IL21R: variants seen among roughly 807,000 people sequenced by gnomAD.
IL21R encodes the protein interleukin-21 receptor.
IL21R carries 14 observed loss-of-function variants against 41.3 expected under a neutral mutation model. The ratio of observed to expected loss-of-function variants is 0.34; its 90% CI spans 0.22 to 0.53. The LOEUF (loss-of-function observed/expected upper bound fraction) is 0.53, where lower values mean the gene tolerates loss of function less well. Among genes scored for constraint, IL21R ranks in the 20% least tolerant of loss-of-function variants. The probability of loss-of-function intolerance (pLI) is 0.94; values close to 1 mark genes in which losing one functional copy is unlikely to be tolerated. For synonymous variants in IL21R, 286 were observed against 287.6 expected, an observed-to-expected ratio of 0.99 and a Z score of 0.05; for missense variants, 588 against 681.6, an observed-to-expected ratio of 0.86 and a Z score of 1.53.
Position 27,444,596 on chromosome 16 carries a change from C to CG in IL21R, c.562_563insG (p.Leu188ArgfsTer10). 1.3e-6 allele frequency: 2 copies of CG among 1,579,220 alleles called. No individual in the cohort carries two copies. The highest frequency in any genetic ancestry group is 1.7e-6 in the Non-Finnish European group (2 of 1,163,232). On this transcript the variant is annotated frameshift_variant, in exon 6 of 9. Transcript: ENST00000337929. LOFTEE classifies it high-confidence loss of function. ...CTCAAGAAGTGTCTCCCTCCTCCCC[C>CG]TGGAGTTCCGCAAAGACTCGAGCTA...
At chr16:27,419,609 G>A (rs1034159932) in intron 1 of IL21R, among the ~76,000 whole-genome samples, 3 of 152,106 alleles carry the variant, frequency 2.0e-5, no homozygotes, top group African/African-American at 7.2e-5. Flanking sequence ...TGTATTTTTA[G>A]TAGAGATGGG....
At chr16:27,402,695 T>C (rs1022988282) in intron 1 of IL21R, 77 bp downstream of exon 1, 14 of 172,590 alleles carry the variant, frequency 8.1e-5, no homozygotes, top group Admixed American at 6.2e-4. Flanking sequence ...GCCTGCTGCA[T>C]CTAGTGTCAC....
intron 7 of IL21R, 70 bp downstream of exon 7, chr16:27,445,346 G>A: frequency 1.0e-6 from 1 of 975,090 alleles, no homozygotes. Flanking sequence ...GATACATGCA[G>A]GGTTGGAAAA....
intron 1 of IL21R, among the ~76,000 whole-genome samples, chr16:27,419,569 A>G (rs2086965339): frequency 1.3e-5 from 2 of 152,168 alleles, no homozygotes; most frequent in Non-Finnish European, 2.9e-5. Context: ...CTGGAATTAC[A>G]AGCACACACC....
chr16:27,432,637 C>T (rs1342179221), intron 2 of IL21R, among the ~76,000 whole-genome samples: 1 of 152,238 alleles, frequency 6.6e-6, no homozygotes, highest in Non-Finnish European at 1.5e-5. Context: ...AGAGATGACA[C>T]AGCTACTTAG....
At chr16:27,409,825 A>G (rs1024563846) in intron 1 of IL21R, among the ~76,000 whole-genome samples, 6 of 152,198 alleles carry the variant, frequency 3.9e-5, no homozygotes, top group South Asian at 2.1e-4. Context: ...ATTTCTATAT[A>G]AATTTTAGAA....
intron 4 of IL21R, among the ~76,000 whole-genome samples, chr16:27,439,870 C>G (rs938539189): frequency 6.6e-6 from 1 of 152,112 alleles, no homozygotes; most frequent in African/African-American, 2.4e-5. Context: ...GCTGAGCAGC[C>G]CCTCTTCACG....
chr16:27,451,884 A>C lies in IL21R; in HGVS notation c.*2601A>C. The C allele has an allele frequency of 4.3e-6, 1 of 230,212 alleles. No homozygotes were observed. The highest frequency in any genetic ancestry group is 2.2e-5 in the African/African-American group (1 of 45,290). The allele number at this position is 230,212 out of a possible 1,614,324, so 14.3% of individuals were successfully genotyped here. On this transcript the variant is annotated 3_prime_UTR_variant, in exon 9 of 9. Coordinates refer to ENST00000337929, the MANE Select transcript of IL21R (RefSeq NM_181078.3). ...TTAATGGCTTTAATAAAAAGCTTGA[A>C]GGAAGAATGATTGGTTGGATAGACA...
At chr16:27,408,759 A>G (rs2086784714) in intron 1 of IL21R, among the ~76,000 whole-genome samples, 1 of 152,056 alleles carries the variant, frequency 6.6e-6, no homozygotes, top group Non-Finnish European at 1.5e-5. Context: ...AAATAGGGCC[A>G]TTTTACTTTT....
intron 1 of IL21R, among the ~76,000 whole-genome samples, chr16:27,409,177 T>TATATATA (rs59798163): frequency 2.0e-5 from 3 of 147,142 alleles, no homozygotes; most frequent in Non-Finnish European, 4.5e-5. Flanking sequence ...ATATATATAT[T>TATATATA]TATAAAAATA....
chr16:27,436,917 A>G (rs535946345), intron 3 of IL21R, among the ~76,000 whole-genome samples: 2 of 152,290 alleles, frequency 1.3e-5, no homozygotes, highest in East Asian at 3.9e-4. Flanking sequence ...TACAAAAAAT[A>G]CAAAAAGTTA....
chr16:27,449,202 C>A lies in IL21R; in HGVS notation c.1536C>A (p.Asp512Glu), dbSNP rs144096734. ...AGTGTGACTTCACCAGCCCCGGGGA[C>A]GAAGGACCCCCCCGGAGCTACCTCC... ...PVECDFTSPG[D>E]EGPPRSYLRQ... is the part of the protein sequence containing the mutation. The change falls in exon 9 of 9, where the codon GAC becomes GAA. Residue 512 changes from aspartate (D) to glutamate (E), a missense_variant. Coordinates refer to ENST00000337929, the MANE Select transcript of IL21R (RefSeq NM_181078.3). The A allele has an allele frequency of 1.2e-6, 2 of 1,612,894 alleles. No homozygotes were observed. Among genetic ancestry groups the A allele is most frequent in the African/African-American group, 2.7e-5 (2 of 75,016 alleles).
At chr16:27,434,566 T>C (rs1958485622) in intron 3 of IL21R, 117 bp downstream of exon 3, 4 of 684,886 alleles carry the variant, frequency 5.8e-6, no homozygotes, top group Non-Finnish European at 1.0e-5. Flanking sequence ...AGACAACCAC[T>C]CAGGGCTCAC....
intron 1 of IL21R, among the ~76,000 whole-genome samples, chr16:27,418,057 T>TTTA (rs1384390293): frequency 1.6e-4 from 14 of 87,990 alleles, no homozygotes; most frequent in Non-Finnish European, 1.6e-4. Context: ...TTTATTTTAT[T>TTTA]TTATTTTATT....
intron 6 of IL21R, 51 bp downstream of exon 6, chr16:27,444,770 C>A: frequency 6.9e-7 from 1 of 1,442,154 alleles, no homozygotes; most frequent in Non-Finnish European, 9.2e-7. Flanking sequence ...AAATTTTGTC[C>A]TGTTCTAGCC....
Position 27,409,420 on chromosome 16 carries a change from T to G in IL21R, c.-17+6802T>G, listed in dbSNP as rs551252518. ...TTCTTTATGACCAGAACTTTCTATG[T>G]GCTGTTTAAGAAGTGTTGCCTGCAA... On this transcript the variant is annotated intron_variant, in intron 1 of 8. Transcript: ENST00000337929. Among the ~76,000 whole-genome samples, 563 of 152,008 alleles carry G rather than the reference T, an allele frequency of 3.7e-3. 3 individuals are homozygous for G. Among genetic ancestry groups the G allele is most frequent in the Middle Eastern group, 0.01 (3 of 292 alleles).
intron 5 of IL21R, among the ~76,000 whole-genome samples, chr16:27,443,753 A>AG (rs1361693200): frequency 6.6e-6 from 1 of 151,270 alleles, no homozygotes; most frequent in African/African-American, 2.4e-5. Context: ...ACTGCACTCT[A>AG]GCCTGGGCAA....
Position 27,437,535 on chromosome 16 carries a change from TCCACAGGTCGGC to T in IL21R, c.206_217del (p.Arg69_His72del), listed in dbSNP as rs772950514. On this transcript the variant is annotated inframe_deletion, in exon 4 of 9. Coordinates refer to ENST00000337929, the MANE Select transcript of IL21R (RefSeq NM_181078.3). ...AAGGACGAGGCCACCTCCTGCAGCC[TCCACAGGTCGGC>T]CCACAATGCCACGCATGCCACCTAC... 1 of 1,614,164 alleles carries T rather than the reference TCCACAGGTCGGC, an allele frequency of 6.2e-7. No homozygotes were observed. The highest frequency in any genetic ancestry group is 1.1e-5 in the South Asian group (1 of 91,080).
chr16:27,420,381 C>T (rs1318063415), intron 1 of IL21R, among the ~76,000 whole-genome samples: 1 of 152,198 alleles, frequency 6.6e-6, no homozygotes, highest in East Asian at 1.9e-4. Context: ...TTATGCAGCA[C>T]GTGACTGTAT....
Sources: gnomAD v4.1 joint callset for allele counts (sites outside exome capture counted in the v4.1 genomes callset) on GRCh38, gnomAD v4.1.1 for gene constraint, MANE v1.5 for transcripts, NCBI Gene and HGNC (gene_info 2026-07-23, HGNC 2026-07-21) for gene names.